The following BLNK variants were observed in gnomAD, a reference collection of about 807,000 sequenced individuals.
BLNK encodes B cell linker, also known as B-cell linker protein.
In BLNK, 29 loss-of-function variants were observed where a neutral mutation model predicts 73.5. That is an observed-to-expected ratio of 0.39 (90% CI 0.29 to 0.54). BLNK has a LOEUF of 0.54. Among genes scored for constraint, BLNK ranks in the 20% least tolerant of loss-of-function variants. BLNK has a pLI of 0.61. For synonymous variants in BLNK, 176 were observed against 200.8 expected, an observed-to-expected ratio of 0.88 and a Z score of 1.04; for missense variants, 460 against 562.8, an observed-to-expected ratio of 0.82 and a Z score of 1.85.
Position 96,223,813 on chromosome 10 carries a change from A to C in BLNK, c.525+13T>G, listed in dbSNP as rs368519346. 1 of 1,613,486 alleles carries C rather than the reference A, an allele frequency of 6.2e-7. No homozygotes were observed. The highest frequency in any genetic ancestry group is 1.1e-5 in the South Asian group (1 of 91,044). On this transcript the variant is annotated intron_variant, in intron 6 of 16. Coordinates refer to ENST00000224337, the MANE Select transcript of BLNK (RefSeq NM_013314.4). ...CTGTGTCCTGGGAAGCCTTTGGCAC[A>C]GATTTACTTTACCTCATCCTCAAGG...
At chr10:96,214,304 G>T in intron 8 of BLNK, among the ~76,000 whole-genome samples, 1 of 152,132 alleles carries the variant, frequency 6.6e-6, no homozygotes, top group East Asian at 1.9e-4. Context: ...CTCAGCCTTG[G>T]GGGTTGCCAA....
intron 9 of BLNK, among the ~76,000 whole-genome samples, chr10:96,208,557 G>A (rs1442701197): frequency 6.6e-5 from 10 of 151,994 alleles, no homozygotes; most frequent in South Asian, 6.2e-4. Context: ...TCTGAAAGTC[G>A]GGGTGTCTTG....
intron 6 of BLNK, among the ~76,000 whole-genome samples, chr10:96,217,618 G>A (rs896094680): frequency 6.6e-6 from 1 of 152,028 alleles, no homozygotes; most frequent in Non-Finnish European, 1.5e-5. Flanking sequence ...TTGGAGACAT[G>A]TCTATTCAAA....
intron 15 of BLNK, among the ~76,000 whole-genome samples, chr10:96,197,913 CAA>C (rs587730449): frequency 3.1e-5 from 4 of 128,312 alleles, no homozygotes; most frequent in African/African-American, 3.0e-5. Context: ...GAGACAACAT[CAA>C]AAAAAAAAAG....
chr10:96,216,112 T>C (rs2084058914), intron 7 of BLNK: 1 of 175,434 alleles, frequency 5.7e-6, no homozygotes, highest in Non-Finnish European at 1.2e-5. Context: ...ACATACCCTG[T>C]TTCCATGCCT....
chr10:96,236,078 G>A (rs7908540), intron 3 of BLNK, among the ~76,000 whole-genome samples: 2,032 of 152,274 alleles, frequency 0.013, 41 homozygotes, highest in African/African-American at 0.046. Context: ...GGACTCTGTG[G>A]TGGTGGCTGG....
intron 3 of BLNK, among the ~76,000 whole-genome samples, chr10:96,237,010 C>G (rs1842714086): frequency 6.6e-6 from 1 of 152,146 alleles, no homozygotes; most frequent in African/African-American, 2.4e-5. Context: ...CCAGTTATTC[C>G]TAAAATGAGA....
chr10:96,213,362 G>A (rs1387317677), intron 8 of BLNK, among the ~76,000 whole-genome samples: 3 of 149,340 alleles, frequency 2.0e-5, no homozygotes, highest in African/African-American at 5.1e-5. Flanking sequence ...CTTAGGAAGC[G>A]ATTAGACTGA....
chr10:96,216,829 G>T, intron 6 of BLNK, 95 bp from the exon 7 acceptor site: 1 of 1,005,170 alleles, frequency 9.9e-7, no homozygotes, highest in Non-Finnish European at 1.6e-6. Flanking sequence ...TTATTGAGAC[G>T]CAATTCACAT....
chr10:96,271,371 G>A lies in BLNK; in HGVS notation c.28C>T (p.Pro10Ser). 1 of 1,614,120 alleles carries A rather than the reference G, an allele frequency of 6.2e-7. No individual in the cohort carries two copies. The highest frequency in any genetic ancestry group is 8.5e-7 in the Non-Finnish European group (1 of 1,180,002). ...TCTTACCTCAACTTCTGACTGGCGG[G>A]GACGGTTATTTTATTAAGCTTGTCC... MDKLNKITVPASQKLRQLQK... is the reference protein window; with the variant it reads MDKLNKITVSASQKLRQLQK... Residue 10 changes from proline to serine, a missense_variant, in exon 1 of 17, where the codon CCC becomes TCC. Physicochemically the swap from Pro to Ser is moderately conservative, Grantham distance 74 (BLOSUM62 -1). Coordinates refer to ENST00000224337, the MANE Select transcript of BLNK (RefSeq NM_013314.4).
intron 3 of BLNK, chr10:96,239,027 T>C (rs1842795760): frequency 5.0e-6 from 2 of 397,970 alleles, no homozygotes; most frequent in South Asian, 1.3e-4. Context: ...ATGAGGTTGA[T>C]GCTATCTTGC....
chr10:96,192,171 T>A (rs145030645), intron 16 of BLNK, 79 bp from the exon 17 acceptor site: 2 of 1,577,962 alleles, frequency 1.3e-6, no homozygotes, highest in African/African-American at 2.7e-5. Context: ...TCTTCTCTCA[T>A]TCTCAAGTTA....
intron 13 of BLNK, chr10:96,203,772 A>C (rs1170803595): frequency 4.3e-6 from 1 of 231,120 alleles, no homozygotes; most frequent in African/African-American, 3.0e-5. Flanking sequence ...AAACAGCTGT[A>C]TTGTTTTTGT....
rs1554895933 is a variant in BLNK at position 96,200,941 on chromosome 10, T to G, written c.1011+41A>C. ...AGAAGACATGCTCTTTCCTGCAGTTTCCTGGTAACAATTTAGTGACATCAA... is the reference window on the plus strand; with the variant it reads ...AGAAGACATGCTCTTTCCTGCAGTTGCCTGGTAACAATTTAGTGACATCAA... On this transcript the variant is annotated intron_variant, in intron 14 of 16. Coordinates refer to ENST00000224337, the MANE Select transcript of BLNK (RefSeq NM_013314.4). The surrounding 1 kb of genome is among the most constrained non-coding windows in gnomAD (Gnocchi z 4.3). The G allele has an allele frequency of 6.4e-7, 1 of 1,562,194 alleles. No individual in the cohort carries two copies. Among genetic ancestry groups the G allele is most frequent in the Admixed American group, 1.7e-5 (1 of 59,926 alleles).
At chr10:96,252,214 G>A (rs1435963786) in intron 1 of BLNK, among the ~76,000 whole-genome samples, 1 of 152,048 alleles carries the variant, frequency 6.6e-6, no homozygotes, top group African/African-American at 2.4e-5. Flanking sequence ...ACCATGCCGG[G>A]CTAATTTTTT....
At chr10:96,218,472 A>C (rs2134006813) in intron 6 of BLNK, among the ~76,000 whole-genome samples, 1 of 152,286 alleles carries the variant, frequency 6.6e-6, no homozygotes, top group South Asian at 2.1e-4. Flanking sequence ...AGGTGGATAG[A>C]TAAGAGTCCA....
At chr10:96,245,266 C>T (rs534721510) in intron 2 of BLNK, among the ~76,000 whole-genome samples, 2 of 152,214 alleles carry the variant, frequency 1.3e-5, no homozygotes, top group East Asian at 3.9e-4. Flanking sequence ...AATAAGGATG[C>T]TCTTTTGAAT....
chr10:96,234,177 A>G (rs1842612826), intron 3 of BLNK, among the ~76,000 whole-genome samples: 1 of 152,196 alleles, frequency 6.6e-6, no homozygotes, highest in African/African-American at 2.4e-5. Context: ...CTGAGCACTT[A>G]GATAAAACCT....
chr10:96,259,815 T>C (rs959083719), intron 1 of BLNK, among the ~76,000 whole-genome samples: 1 of 151,146 alleles, frequency 6.6e-6, no homozygotes, highest in Admixed American at 6.6e-5. Context: ...CAAGCAGGAG[T>C]AGGGATGATT....
Sources: gnomAD v4.1 joint callset for allele counts (sites outside exome capture counted in the v4.1 genomes callset) on GRCh38, gnomAD v4.1.1 for gene constraint, Gnocchi (gnomAD v3.1) non-coding constraint, MANE v1.5 for transcripts, NCBI Gene and HGNC (gene_info 2026-07-23, HGNC 2026-07-21) for gene names.